Variants in GALNT9 observed in about 807,000 individuals in gnomAD.
GALNT9 encodes the protein polypeptide N-acetylgalactosaminyltransferase 9.
In GALNT9, 47 loss-of-function variants were observed where a neutral mutation model predicts 63.1. The ratio of observed to expected loss-of-function variants is 0.75; its 90% CI spans 0.59 to 0.95. The LOEUF (loss-of-function observed/expected upper bound fraction) is 0.95, where lower values mean the gene tolerates loss of function less well. GALNT9 is among the 40% of genes least tolerant of loss of function. The pLI is 0.00. For synonymous variants in GALNT9, 396 were observed against 365.7 expected, an observed-to-expected ratio of 1.08 and a Z score of -0.94; for missense variants, 829 against 874.8, an observed-to-expected ratio of 0.95 and a Z score of 0.66.
At chr12:132,258,966 G>A (rs1213072131) in intron 4 of GALNT9, among the ~76,000 whole-genome samples, 8 of 152,232 alleles carry the variant, frequency 5.3e-5, no homozygotes, top group East Asian at 3.9e-4. Context: ...AGGCAGAGCC[G>A]GCATGGGGAG....
Position 132,319,730 on chromosome 12 carries a change from C to T in GALNT9, c.238+9236G>A, listed in dbSNP as rs1555245972. 6.6e-6 allele frequency among the ~76,000 whole-genome samples: 1 copy of T among 152,248 alleles called. No homozygotes were observed. Among genetic ancestry groups the T allele is most frequent in the Admixed American group, 6.5e-5 (1 of 15,292 alleles). On this transcript the variant is annotated intron_variant, in intron 1 of 10. Coordinates refer to ENST00000328957, the MANE Select transcript of GALNT9 (RefSeq NM_001122636.2). This position sits in a 1 kb window ranked among gnomAD's most constrained non-coding sequence, Gnocchi z 5.2. ...AGCTGTACCCGGCACAACACGCGGC[C>T]ACAGGTCACCTCAGGTCGCCTCGGG...
intron 10 of GALNT9, 23 bp downstream of exon 10, chr12:132,197,769 G>T: frequency 1.4e-6 from 2 of 1,424,370 alleles, no homozygotes; most frequent in Non-Finnish European, 1.9e-6. Context: ...CAACCCCACG[G>T]CCCCCCTTCC....
chr12:132,202,891 A>G (rs78793844), intron 7 of GALNT9, among the ~76,000 whole-genome samples: 6,299 of 152,226 alleles, frequency 0.041, 427 homozygotes, highest in African/African-American at 0.14. Flanking sequence ...GAAAACAAAC[A>G]GCAATCCTCA....
intron 8 of GALNT9, chr12:132,200,850 A>C: frequency 1.1e-5 from 5 of 450,208 alleles, no homozygotes; most frequent in East Asian, 4.2e-5. Context: ...ATGTGAAGGA[A>C]TGGGTGTGTA....
chr12:132,270,721 G>A (rs1555240647), intron 2 of GALNT9, among the ~76,000 whole-genome samples: 1 of 152,178 alleles, frequency 6.6e-6, no homozygotes, highest in South Asian at 2.1e-4. Flanking sequence ...CACGGCCACG[G>A]CCACAGCCAC....
intron 6 of GALNT9, among the ~76,000 whole-genome samples, chr12:132,215,063 C>T (rs1414490037): frequency 6.6e-6 from 1 of 152,258 alleles, no homozygotes; most frequent in Non-Finnish European, 1.5e-5. Flanking sequence ...CCTCACCTGC[C>T]ACGCTGTCCT....
Position 132,203,667 on chromosome 12 carries a change from C to T in GALNT9, c.1101G>A (p.Met367Ile). ...GMRVWQCGGS[M>I]EVLPCSRVAH... is the part of the protein sequence containing the mutation. The stretch of plus-strand genomic sequence containing the variant: ...CCACGCGGGAGCAGGGCAGCACCTC[C>T]ATGCTGCCGCCACACTGCCACACCT... Residue 367 changes from methionine to isoleucine, a missense_variant, in exon 7 of 11, where the codon ATG (methionine) becomes ATA (isoleucine). Transcript: ENST00000328957. 1 of 1,613,172 alleles carries T rather than the reference C, an allele frequency of 6.2e-7. No individual in the cohort carries two copies. The highest frequency in any genetic ancestry group is 1.7e-4 in the Middle Eastern group (1 of 6,042).
At position 132,286,317 on chromosome 12, in the gene GALNT9, C is replaced by T. The variant is rs931247389; in HGVS notation, c.352G>A (p.Gly118Ser). 7.1e-6 allele frequency: 11 copies of T among 1,551,288 alleles called. No individual in the cohort carries two copies. Among genetic ancestry groups the T allele is most frequent in the African/African-American group, 1.4e-5 (1 of 73,168 alleles). Residue 118 changes from glycine (G) to serine (S), a missense_variant, in exon 2 of 11, where the codon GGC (glycine) becomes AGC (serine). Physicochemically the swap from Gly to Ser is moderately conservative, Grantham distance 56. Coordinates refer to ENST00000328957, the MANE Select transcript of GALNT9 (RefSeq NM_001122636.2). This position sits in a 1 kb window ranked among gnomAD's most constrained non-coding sequence, Gnocchi z 7.4. ...CGGTCGCTGAGCTGAGCGTTGTAGC[C>T]GTACTCCTCATACTTGCCTTCCGCC... is the stretch of plus-strand genomic sequence containing the variant. ...QEAEGKYEEY[G>S]YNAQLSDRIS...
At chr12:132,222,362 G>A (rs1171909182) in intron 6 of GALNT9, among the ~76,000 whole-genome samples, 1 of 152,128 alleles carries the variant, frequency 6.6e-6, no homozygotes, top group Admixed American at 6.5e-5. Context: ...AGGATTGCTT[G>A]AGGCCAGGAG....
intron 6 of GALNT9, among the ~76,000 whole-genome samples, chr12:132,229,230 C>G (rs1877808893): frequency 6.6e-6 from 1 of 152,246 alleles, no homozygotes; most frequent in East Asian, 1.9e-4. Context: ...GTTCCCTGGT[C>G]TTCTCCCCAC....
intron 6 of GALNT9, among the ~76,000 whole-genome samples, chr12:132,210,168 G>T (rs1303093819): frequency 1.3e-5 from 2 of 152,202 alleles, no homozygotes; most frequent in Non-Finnish European, 1.5e-5. Context: ...GGGGCCCGTC[G>T]TCTGCAGGCC....
At chr12:132,268,331 C>G (rs781848300) in intron 2 of GALNT9, among the ~76,000 whole-genome samples, 1 of 152,158 alleles carries the variant, frequency 6.6e-6, no homozygotes, top group Non-Finnish European at 1.5e-5. Context: ...TGGCAAGCAA[C>G]AAACACTTCT....
At chr12:132,239,347 GAGTC>G (rs1416640715) in intron 6 of GALNT9, among the ~76,000 whole-genome samples, 1 of 149,886 alleles carries the variant, frequency 6.7e-6, no homozygotes, top group Non-Finnish European at 1.5e-5. Context: ...GTCAGAGACA[GAGTC>G]AGAGACAGAG....
At chr12:132,277,171 CTG>C (rs1454946439) in intron 2 of GALNT9, 3 of 154,562 alleles carry the variant, frequency 1.9e-5, no homozygotes, top group African/African-American at 7.2e-5. Context: ...GAATCCAAGT[CTG>C]AGTTTCAAGT....
chr12:132,287,070 C>CT (rs1566013666), intron 1 of GALNT9, among the ~76,000 whole-genome samples: 1 of 111,930 alleles, frequency 8.9e-6, no homozygotes, highest in Non-Finnish European at 2.2e-5. Flanking sequence ...CCCCCCCCCC[C>CT]CCCCGTGAGC....
intron 1 of GALNT9, among the ~76,000 whole-genome samples, chr12:132,326,529 G>A (rs782583262): frequency 2.0e-5 from 3 of 152,170 alleles, no homozygotes; most frequent in African/African-American, 4.8e-5. Flanking sequence ...AAGAACTTTG[G>A]ATTCTGGGCC....
chr12:132,322,572 G>A (rs782325632), intron 1 of GALNT9, among the ~76,000 whole-genome samples: 10 of 152,202 alleles, frequency 6.6e-5, no homozygotes, highest in African/African-American at 1.4e-4. Context: ...GAATGGGGGC[G>A]TCTGCCCAAC....
At chr12:132,197,755 G>GCC in intron 10 of GALNT9, 37 bp downstream of exon 10, 11 of 613,220 alleles carry the variant, frequency 1.8e-5, no homozygotes, top group East Asian at 1.5e-4. Flanking sequence ...GCCCTGCCCC[G>GCC]CCCCAACCCC....
At position 132,284,306 on chromosome 12, in the gene GALNT9, G is replaced by A. The variant is rs567462706; in HGVS notation, c.419+1944C>T. The A allele has an allele frequency of 5.1e-4, 77 of 150,416 alleles. 1 individual carries two copies. The East Asian group carries it at 7.3e-3, about 14-fold the overall frequency. 9.3% of individuals were successfully genotyped at this position (150,416 alleles called of 1,614,324 possible). On this transcript the variant is annotated intron_variant, in intron 2 of 10. Transcript: ENST00000328957. ...CCACACCCACCCGCACACAACGCGC[G>A]CGCACGCACACACACACACACCGTG...
Sources: allele counts gnomAD v4.1 joint callset (sites outside exome capture counted in the v4.1 genomes callset), GRCh38; gene constraint gnomAD v4.1.1; non-coding constraint Gnocchi (gnomAD v3.1); transcripts MANE v1.5; gene names NCBI Gene and HGNC (gene_info 2026-07-23, HGNC 2026-07-21).